Variants in PDE1C observed in about 807,000 individuals in gnomAD.
The protein encoded by PDE1C is phosphodiesterase 1C.
In PDE1C, 62 loss-of-function variants were observed where a neutral mutation model predicts 93.1. That is an observed-to-expected ratio of 0.67 (90% CI 0.54 to 0.82). The LOEUF (loss-of-function observed/expected upper bound fraction) is 0.82, where lower values mean the gene tolerates loss of function less well. Among genes scored for constraint, PDE1C ranks in the 40% least tolerant of loss-of-function variants. PDE1C has a pLI of 0.00. For synonymous variants in PDE1C, 325 were observed against 310.1 expected, an observed-to-expected ratio of 1.05 and a Z score of -0.50; for missense variants, 742 against 884.6, an observed-to-expected ratio of 0.84 and a Z score of 2.04.
At chr7:32,021,833 C>T (rs1788716652) in intron 2 of PDE1C, among the ~76,000 whole-genome samples, 2 of 151,864 alleles carry the variant, frequency 1.3e-5, no homozygotes, top group South Asian at 4.2e-4. Context: ...AGTCCTATTG[C>T]CATTTAGGAA....
chr7:31,944,830 T>C (rs929518283), intron 2 of PDE1C, among the ~76,000 whole-genome samples: 2 of 152,188 alleles, frequency 1.3e-5, no homozygotes, highest in African/African-American at 4.8e-5. Flanking sequence ...AATGATTAAA[T>C]AATCACCATC....
intron 9 of PDE1C, among the ~76,000 whole-genome samples, chr7:31,843,328 ATTTCTCCTT>A (rs1300961885): frequency 6.6e-6 from 1 of 151,770 alleles, no homozygotes; most frequent in African/African-American, 2.4e-5. Flanking sequence ...GAAAATATAT[ATTTCTCCTT>A]TTTCTCCTAT....
At chr7:32,390,969 A>G (rs889097883) in intron 1 of PDE1C, among the ~76,000 whole-genome samples, 20 of 151,840 alleles carry the variant, frequency 1.3e-4, no homozygotes, top group Admixed American at 1.1e-3. Context: ...AGAGGAACAT[A>G]AGAACAAAAA....
At chr7:31,851,192 G>A (rs1028305330) in intron 7 of PDE1C, among the ~76,000 whole-genome samples, 1 of 152,050 alleles carries the variant, frequency 6.6e-6, no homozygotes. Context: ...CTAGGAAGTG[G>A]GTAGAGACAG....
At chr7:32,136,298 CTCTA>C (rs1159797462) in intron 3 of PDE1C, among the ~76,000 whole-genome samples, 5 of 152,134 alleles carry the variant, frequency 3.3e-5, no homozygotes, top group East Asian at 1.9e-4. Context: ...AGTATAAAAT[CTCTA>C]TCTGACAGAT....
chr7:31,700,501 C>T, the PDE1C span, among the ~76,000 whole-genome samples: 1 of 152,178 alleles, frequency 6.6e-6, no homozygotes, highest in South Asian at 2.1e-4. Flanking sequence ...AGTGAAGCAA[C>T]AAGCGCTGAT....
the PDE1C span, among the ~76,000 whole-genome samples, chr7:31,722,803 A>G: frequency 6.6e-6 from 1 of 152,130 alleles, no homozygotes; most frequent in Non-Finnish European, 1.5e-5. Flanking sequence ...GTATGAGATG[A>G]GGTGGAGGGT....
intron 3 of PDE1C, among the ~76,000 whole-genome samples, chr7:32,119,744 C>T (rs954107023): frequency 2.1e-4 from 32 of 152,310 alleles, no homozygotes; most frequent in Middle Eastern, 3.4e-3. Flanking sequence ...TGCTACCCAG[C>T]CATGCAACCC....
chr7:32,332,758 A>C (rs1272710092), intron 1 of PDE1C, among the ~76,000 whole-genome samples: 2 of 152,250 alleles, frequency 1.3e-5, no homozygotes, highest in Non-Finnish European at 2.9e-5. Flanking sequence ...TCTCACAAGC[A>C]TAATGTTGAA....
intron 17 of PDE1C, among the ~76,000 whole-genome samples, chr7:31,773,114 C>T (rs1238477934): frequency 6.6e-6 from 1 of 152,224 alleles, no homozygotes; most frequent in Non-Finnish European, 1.5e-5. Flanking sequence ...CCTGTAGTGT[C>T]AATCTGCACA....
chr7:32,167,848 G>A (rs1388440549), intron 3 of PDE1C, among the ~76,000 whole-genome samples: 1 of 152,106 alleles, frequency 6.6e-6, no homozygotes, highest in Non-Finnish European at 1.5e-5. Flanking sequence ...TGACCCTACA[G>A]AGGAGCTGTA....
chr7:31,879,257 C>A, intron 3 of PDE1C, 79 bp from the exon 4 acceptor site: 2 of 1,369,002 alleles, frequency 1.5e-6, no homozygotes, highest in Admixed American at 4.4e-5. Context: ...CTGCTCCTCT[C>A]TGCCTCACCT....
the PDE1C span, among the ~76,000 whole-genome samples, chr7:31,694,336 TATC>T: frequency 4.0e-5 from 6 of 151,628 alleles, no homozygotes; most frequent in Admixed American, 2.0e-4. Flanking sequence ...ATATCAACTG[TATC>T]AGATGCTTTG....
Position 32,024,399 on chromosome 7 carries a change from ATG to A in PDE1C, c.128+27153_128+27154del, listed in dbSNP as rs143690061. 2.5e-3 allele frequency among the ~76,000 whole-genome samples: 376 copies of A among 148,846 alleles called. 1 individual carries two copies. Among genetic ancestry groups the A allele is most frequent in the African/African-American group, 7.2e-3 (293 of 40,858 alleles). ...GATATGTAGATTTCTCAATATACAT[ATG>A]TGTGTGTGTGTGTGTGTGTATGTAT... On this transcript the variant is annotated intron_variant, in intron 2 of 17. Coordinates refer to ENST00000396191, the MANE Select transcript of PDE1C (RefSeq NM_001191057.4).
the PDE1C span, chr7:31,651,803 C>A: frequency 8.7e-6 from 5 of 574,074 alleles, no homozygotes; most frequent in Non-Finnish European, 9.3e-6. Context: ...TTAGTAATGT[C>A]TCCAGCTGAC....
Position 31,948,887 on chromosome 7 carries a change from C to T in PDE1C, c.129-68027G>A, listed in dbSNP as rs544093855. 5.3e-5 allele frequency among the ~76,000 whole-genome samples: 8 copies of T among 152,258 alleles called. No individual in the cohort carries two copies. The South Asian group carries it at 1.7e-3, about 32-fold the overall frequency. ...AAGAAAGCTTTCTAAAGGCAGTGAA[C>T]TAAAAGTTGTGCAGTTTGCTGGAAA... On this transcript the variant is annotated intron_variant, in intron 2 of 17. Transcript: ENST00000396191.
chr7:31,664,941 G>A, the PDE1C span, among the ~76,000 whole-genome samples: 6 of 152,178 alleles, frequency 3.9e-5, no homozygotes, highest in East Asian at 9.7e-4. Flanking sequence ...AGGTACATTG[G>A]CCACCTACTT....
intron 3 of PDE1C, among the ~76,000 whole-genome samples, chr7:32,108,279 C>T (rs188704836): frequency 8.7e-4 from 103 of 118,762 alleles, no homozygotes; most frequent in Non-Finnish European, 1.4e-3. Flanking sequence ...TCCACAACAA[C>T]AAAAACAACA....
intron 1 of PDE1C, among the ~76,000 whole-genome samples, chr7:32,425,243 G>A (rs1017034693): frequency 1.3e-5 from 2 of 152,216 alleles, no homozygotes; most frequent in Admixed American, 1.3e-4. Context: ...GTTCAATCTA[G>A]TCCAGTAAAA....
Sources: allele counts gnomAD v4.1 joint callset (sites outside exome capture counted in the v4.1 genomes callset), GRCh38; gene constraint gnomAD v4.1.1; transcripts MANE v1.5; gene names NCBI Gene and HGNC (gene_info 2026-07-23, HGNC 2026-07-21).